SPTB: variants seen among roughly 807,000 people sequenced by gnomAD.
SPTB encodes the protein spectrin beta chain, erythrocytic.
A neutral mutation model predicts 256.2 loss-of-function variants in SPTB; 45 were observed. That is an observed-to-expected ratio of 0.18 (90% CI 0.14 to 0.23). SPTB has a LOEUF of 0.23. Among genes scored for constraint, SPTB ranks in the 10% least tolerant of loss-of-function variants. SPTB has a pLI of 1.00. For synonymous variants in SPTB, 1,231 were observed against 1,243.1 expected (o/e 0.99, Z 0.21); for missense variants, 2,715 against 3,040.4 (o/e 0.89, Z 2.52).
Position 64,792,712 on chromosome 14 carries a change from C to T in SPTB, c.2666+285G>A, listed in dbSNP as rs2082694409. Among the ~76,000 whole-genome samples, 1 of 152,164 alleles carries T rather than the reference C, an allele frequency of 6.6e-6. No homozygotes were observed. The highest frequency in any genetic ancestry group is 6.5e-5 in the Admixed American group (1 of 15,280). ...CTCTGTGTGACCTGGGGGTTCCATA[C>T]ACAATTCATCTGAGCAAAGACTGCT... On this transcript the variant is annotated intron_variant, in intron 14 of 35. Transcript: ENST00000644917. This position sits in a 1 kb window ranked among gnomAD's most constrained non-coding sequence, Gnocchi z 4.2.
At chr14:64,850,565 GC>G (rs2083768679) in intron 1 of SPTB, among the ~76,000 whole-genome samples, 1 of 152,200 alleles carries the variant, frequency 6.6e-6, no homozygotes, top group Non-Finnish European at 1.5e-5. Context: ...TGTCATCATG[GC>G]CTGGGCTAAG....
intron 20 of SPTB, among the ~76,000 whole-genome samples, chr14:64,780,213 A>C: frequency 6.6e-6 from 1 of 152,228 alleles, no homozygotes; most frequent in South Asian, 2.1e-4. Context: ...TCCAGTTAAG[A>C]GGAAGAGTAG....
At chr14:64,808,903 G>A (rs934560369) in intron 2 of SPTB, among the ~76,000 whole-genome samples, 1 of 151,958 alleles carries the variant, frequency 6.6e-6, no homozygotes, top group Non-Finnish European at 1.5e-5. Context: ...GAAGAAAGCC[G>A]CTTTGGATTG....
In SPTB at chr14:64,749,749, G is replaced by A. The variant is rs2081914617; in HGVS notation, c.6777-53C>T. 1 of 1,599,276 alleles carries A rather than the reference G, an allele frequency of 6.3e-7. No individual in the cohort carries two copies. Among genetic ancestry groups the A allele is most frequent in the African/African-American group, 1.3e-5 (1 of 74,448 alleles). On this transcript the variant is annotated intron_variant, in intron 34 of 35. Transcript: ENST00000644917. This position sits in a 1 kb window ranked among gnomAD's most constrained non-coding sequence, Gnocchi z 4.7. ...GGAGACACCTCTGGAGGGGGCGCTG[G>A]GCAGAGGGCTGGCTCTGATCCCACA...
chr14:64,767,246 C>A, intron 31 of SPTB, 57 bp downstream of exon 31: 5 of 1,606,520 alleles, frequency 3.1e-6, no homozygotes, highest in South Asian at 1.1e-5. Context: ...ATGAAAGGCA[C>A]CCCCTACTCC....
chr14:64,786,409 T>C lies in SPTB; in HGVS notation c.3556A>G (p.Asn1186Asp). 1 of 1,614,082 alleles carries C rather than the reference T, an allele frequency of 6.2e-7. No individual in the cohort carries two copies. Among genetic ancestry groups the C allele is most frequent in the South Asian group, 1.1e-5 (1 of 91,084 alleles). ...AGCCCTGAATGCCTCTCTACCTGGT[T>C]GCTGAGGATGGCTTCAGCCTGCTTG... The part of the protein sequence containing the change: ...DAKQAEAILS[N>D]QEYTLAHLEP... Residue 1186 changes from asparagine to aspartate, a missense_variant, in exon 16 of 36, where the codon AAC becomes GAC. By Grantham distance (23) the Asn-to-Asp change is conservative. This residue lies in a region of SPTB where 2,239 missense variants were observed against 2,384.4 expected (regional missense o/e 0.94). Transcript: ENST00000644917. This position sits in a 1 kb window ranked among gnomAD's most constrained non-coding sequence, Gnocchi z 5.6.
chr14:64,822,802 A>T, intron 2 of SPTB, 145 bp downstream of exon 2: 6 of 1,281,376 alleles, frequency 4.7e-6, no homozygotes, highest in Non-Finnish European at 6.7e-6. Context: ...GGGGACCCCC[A>T]CCTCCCTGAG....
At chr14:64,846,167 C>T (rs1355928710) in intron 1 of SPTB, among the ~76,000 whole-genome samples, 1 of 152,186 alleles carries the variant, frequency 6.6e-6, no homozygotes, top group African/African-American at 2.4e-5. Context: ...TCCCTTCTCC[C>T]TACACACAGA....
In SPTB at chr14:64,822,805, T is replaced by C. The variant is rs115210442; in HGVS notation, c.148+142A>G. On this transcript the variant is annotated intron_variant, in intron 2 of 35. Transcript: ENST00000644917. ...GCTCCCTCCCAAGGGGACCCCCACC[T>C]CCCTGAGCCCGACAAACACGTCTCC... 6,945 of 1,311,932 alleles carry C rather than the reference T, an allele frequency of 5.3e-3. 239 individuals are homozygous for C. In the African/African-American group the frequency reaches 0.083, roughly 16 times the overall value. 81.3% of individuals were successfully genotyped at this position (1,311,932 alleles called of 1,614,324 possible). A position where few individuals can be genotyped will look rare whatever the true frequency, so the allele number is the denominator to read the frequency against.
chr14:64,767,596 CTT>C, intron 30 of SPTB, 65 bp downstream of exon 30: 1 of 1,592,612 alleles, frequency 6.3e-7, no homozygotes, highest in Non-Finnish European at 8.6e-7. Context: ...GCCTGGAGTC[CTT>C]ACATGAGACC....
intron 4 of SPTB, 46 bp downstream of exon 4, chr14:64,803,561 C>A (rs374491507): frequency 3.8e-5 from 61 of 1,611,076 alleles, no homozygotes; most frequent in Middle Eastern, 3.8e-4. Context: ...AGGCCCTGGG[C>A]AGCCTTGAGG....
Position 64,794,540 on chromosome 14 carries a change from T to C in SPTB, c.1722A>G (p.Glu574=). 1 of 1,614,210 alleles carries C rather than the reference T, an allele frequency of 6.2e-7. No individual in the cohort carries two copies. The highest frequency in any genetic ancestry group is 8.5e-7 in the Non-Finnish European group (1 of 1,180,038). ...TGTCCCCTTGGATGGCGATGTCAGC[T>C]TCCATCAACTTGTGCTTCTGTAGCA... ...EDLLQKHKLM[E]ADIAIQGDKV... The change falls in exon 13 of 36, where the codon GAA becomes GAG. Residue 574 remains glutamate (E), a synonymous_variant. Coordinates refer to ENST00000644917, the MANE Select transcript of SPTB (RefSeq NM_001355436.2).
chr14:64,837,274 G>C (rs2083540174), intron 1 of SPTB, among the ~76,000 whole-genome samples: 1 of 152,164 alleles, frequency 6.6e-6, no homozygotes, highest in Non-Finnish European at 1.5e-5. Context: ...CTAGCATCTT[G>C]TATTTAATTA....
At chr14:64,766,355 TG>T in intron 32 of SPTB, 1 of 1,239,778 alleles carries the variant, frequency 8.1e-7, no homozygotes, top group Non-Finnish European at 1.0e-6. Flanking sequence ...AGTTGGAAAA[TG>T]GGGAAAAGGA....
intron 30 of SPTB, 110 bp downstream of exon 30, chr14:64,767,553 G>A (rs777855986): frequency 2.1e-5 from 31 of 1,477,342 alleles, no homozygotes; most frequent in Non-Finnish European, 2.9e-5. Flanking sequence ...TGCTGGCCAA[G>A]CCTGTCACAC....
intron 1 of SPTB, among the ~76,000 whole-genome samples, chr14:64,846,138 G>A (rs904746476): frequency 1.3e-5 from 2 of 152,118 alleles, no homozygotes; most frequent in Non-Finnish European, 2.9e-5. Context: ...TGATTATAAC[G>A]CATCAGGATG....
chr14:64,804,835 G>T (rs1032341047), intron 3 of SPTB, 104 bp downstream of exon 3: 1 of 1,450,460 alleles, frequency 6.9e-7, no homozygotes, highest in South Asian at 1.2e-5. Context: ...AAGGAGCAGA[G>T]AGAAAACTGG....
At chr14:64,879,702 G>A (rs2139843438) in intron 1 of SPTB, 90 bp downstream of exon 1, 1 of 152,602 alleles carries the variant, frequency 6.6e-6, no homozygotes, top group East Asian at 1.9e-4. Flanking sequence ...CGCCCCCTGG[G>A]CCCAGCGCTC....
At chr14:64,829,808 A>G (rs1366209208) in intron 1 of SPTB, among the ~76,000 whole-genome samples, 3 of 152,054 alleles carry the variant, frequency 2.0e-5, no homozygotes, top group Admixed American at 2.0e-4. Flanking sequence ...ATAAAAGTCA[A>G]CCCCTTCCCA....
Sources: gnomAD v4.1 joint callset for allele counts (sites outside exome capture counted in the v4.1 genomes callset) on GRCh38, gnomAD v4.1.1 for gene constraint, gnomAD v4.1.1 regional missense constraint, Gnocchi (gnomAD v3.1) non-coding constraint, MANE v1.5 for transcripts, NCBI Gene and HGNC (gene_info 2026-07-23, HGNC 2026-07-21) for gene names.